PTPRC: variants seen among roughly 807,000 people sequenced by gnomAD.
PTPRC encodes the protein receptor-type tyrosine-protein phosphatase C.
Under a neutral mutation model 155.9 loss-of-function variants are expected in PTPRC, and 44 were observed. That is an observed-to-expected ratio of 0.28 (90% CI 0.22 to 0.36). The LOEUF is 0.36. Among genes scored for constraint, PTPRC ranks in the 10% least tolerant of loss-of-function variants. PTPRC has a pLI of 1.00. For missense variants in PTPRC, 1,401 were observed against 1,564.6 expected (o/e 0.90, Z 1.76); for synonymous variants, 525 against 533.1 (o/e 0.98, Z 0.21).
At chr1:198,647,921 C>T (rs1256917060) in intron 2 of PTPRC, among the ~76,000 whole-genome samples, 1 of 151,744 alleles carries the variant, frequency 6.6e-6, no homozygotes. Flanking sequence ...CATCAGCACC[C>T]CAAAACTTCC....
At chr1:198,682,439 GT>G (rs1665387290) in intron 2 of PTPRC, among the ~76,000 whole-genome samples, 1 of 151,610 alleles carries the variant, frequency 6.6e-6, no homozygotes, top group Non-Finnish European at 1.5e-5. Context: ...TTATATTGTA[GT>G]TAGTTCACAA....
chr1:198,699,505 T>C, intron 4 of PTPRC, 59 bp from the exon 5 acceptor site: 2 of 1,598,642 alleles, frequency 1.3e-6, no homozygotes, highest in South Asian at 2.2e-5. Context: ...AACCTCTTAG[T>C]AAATTATTCA....
chr1:198,735,263 T>C lies in PTPRC; in HGVS notation c.2403+11T>C. 6.3e-7 allele frequency: 1 copy of C among 1,591,296 alleles called. No homozygotes were observed. The highest frequency in any genetic ancestry group is 8.6e-7 in the Non-Finnish European group (1 of 1,166,092). On this transcript the variant is annotated intron_variant, in intron 23 of 32. Coordinates refer to ENST00000442510, the MANE Select transcript of PTPRC (RefSeq NM_002838.5). ...TTGAACATTGTAAATGTGAGTTTGC[T>C]TTTTACATAATTTTTGTTTTGATAC...
chr1:198,647,025 A>C (rs749937360), intron 2 of PTPRC, among the ~76,000 whole-genome samples: 1 of 151,752 alleles, frequency 6.6e-6, no homozygotes, highest in Non-Finnish European at 1.5e-5. Flanking sequence ...TGTAACTTGC[A>C]TTTTTCTAAA....
intron 14 of PTPRC, among the ~76,000 whole-genome samples, chr1:198,720,207 C>T (rs1034803089): frequency 1.3e-5 from 2 of 152,044 alleles, no homozygotes; most frequent in African/African-American, 2.4e-5. Context: ...TGAGTAGAGA[C>T]GGTGTTGGCA....
At position 198,716,734 on chromosome 1, in the gene PTPRC, T is replaced by C. The variant is rs1446903301; in HGVS notation, c.1344T>C (p.Asn448=). The part of the protein sequence containing the change: ...DKNLIKYDLQ[N]LKPYTKYVLS... The stretch of plus-strand genomic sequence containing the variant: ...ACCTGATCAAATATGATTTGCAAAA[T>C]TTAAAACCTTATACGAAATATGTTT... Residue 448 remains asparagine (N), a synonymous_variant, in exon 13 of 33, where the codon AAT becomes AAC. Coordinates refer to ENST00000442510, the MANE Select transcript of PTPRC (RefSeq NM_002838.5). 6.2e-7 allele frequency: 1 copy of C among 1,612,642 alleles called. No homozygotes were observed. Among genetic ancestry groups the C allele is most frequent in the East Asian group, 2.2e-5 (1 of 44,814 alleles).
intron 2 of PTPRC, among the ~76,000 whole-genome samples, chr1:198,665,275 T>G (rs1259316787): frequency 1.3e-5 from 2 of 151,278 alleles, no homozygotes; most frequent in African/African-American, 2.4e-5. Flanking sequence ...TTTTTTTTTT[T>G]GTATTCTTAG....
chr1:198,722,401 G>A lies in PTPRC; in HGVS notation c.1660-15G>A. 1 of 1,383,168 alleles carries A rather than the reference G, an allele frequency of 7.2e-7. No homozygotes were observed. The highest frequency in any genetic ancestry group is 1.5e-5 in the African/African-American group (1 of 67,326). 85.7% of individuals were successfully genotyped at this position (1,383,168 alleles called of 1,614,324 possible). On this transcript the variant is annotated splice_polypyrimidine_tract_variant and intron_variant, in intron 14 of 32. Coordinates refer to ENST00000442510, the MANE Select transcript of PTPRC (RefSeq NM_002838.5). Reference sequence around the variant, plus strand: ...TAGCAAACTAATTATTTTATTTTTTGTTACTGAAATTCAGGCCTATTTTCA... The same window carrying A: ...TAGCAAACTAATTATTTTATTTTTTATTACTGAAATTCAGGCCTATTTTCA...
intron 27 of PTPRC, among the ~76,000 whole-genome samples, 186 bp from the exon 28 acceptor site, chr1:198,749,230 A>C (rs1655271556): frequency 6.6e-6 from 1 of 151,690 alleles, no homozygotes; most frequent in South Asian, 2.1e-4. Flanking sequence ...CCTTTTTCTT[A>C]GACTTTTGTT....
At chr1:198,654,713 G>A (rs17668272) in intron 2 of PTPRC, among the ~76,000 whole-genome samples, 1 of 151,602 alleles carries the variant, frequency 6.6e-6, no homozygotes. Flanking sequence ...AGAAAATCAT[G>A]CAAAGGAAAG....
At chr1:198,677,938 C>T (rs12067163) in intron 2 of PTPRC, among the ~76,000 whole-genome samples, 6,134 of 151,806 alleles carry the variant, frequency 0.04, 390 homozygotes, top group African/African-American at 0.13. Context: ...TTTTTCCACA[C>T]AGGGATGTAT....
chr1:198,755,947 C>T lies in PTPRC; in HGVS notation c.3687C>T (p.Tyr1229=), dbSNP rs145983642. The T allele has an allele frequency of 6.3e-4, 1,014 of 1,612,604 alleles. 1 individual carries two copies. Among genetic ancestry groups the T allele is most frequent in the Non-Finnish European group, 7.2e-4 (849 of 1,179,114 alleles). The change falls in exon 33 of 33, where the codon TAC becomes TAT. Residue 1229 remains tyrosine (Y), a synonymous_variant. Coordinates refer to ENST00000442510, the MANE Select transcript of PTPRC (RefSeq NM_002838.5). ...QFLYDVIAST[Y]PAQNGQVKKN... ...TATATGACGTCATTGCCAGCACCTACCCTGCTCAGAATGGACAAGTAAAGA... is the reference window on the plus strand; with the variant it reads ...TATATGACGTCATTGCCAGCACCTATCCTGCTCAGAATGGACAAGTAAAGA...
chr1:198,662,831 TG>T, intron 2 of PTPRC, among the ~76,000 whole-genome samples: 1 of 152,196 alleles, frequency 6.6e-6, no homozygotes, highest in South Asian at 2.1e-4. Context: ...CACACTTAAA[TG>T]TTTTCATAGG....
chr1:198,662,475 TGTGA>T (rs758123971), intron 2 of PTPRC, among the ~76,000 whole-genome samples: 3,823 of 65,502 alleles, frequency 0.058, 46 homozygotes, highest in South Asian at 0.082. Flanking sequence ...TGTGTGTGTG[TGTGA>T]GAGTGTGTGT....
At chr1:198,743,684 A>G (rs1333170016) in intron 25 of PTPRC, among the ~76,000 whole-genome samples, 1 of 151,882 alleles carries the variant, frequency 6.6e-6, no homozygotes, top group African/African-American at 2.4e-5. Context: ...TATCTCTTGA[A>G]TATACTGTGA....
intron 2 of PTPRC, chr1:198,660,589 A>G (rs1332680465): frequency 6.6e-6 from 1 of 152,026 alleles, no homozygotes; most frequent in Admixed American, 6.6e-5. Flanking sequence ...GACACAGTCT[A>G]GAGGAGAAAC....
rs1168392679 is a variant in PTPRC at position 198,696,914 on chromosome 1, G to A, written c.298+5G>A. 1 of 1,609,648 alleles carries A rather than the reference G, an allele frequency of 6.2e-7. No homozygotes were observed. ...CTAGTGCTTTTAATACCACAGGTTGGCACACAAAAGTTGTTAACTTAAATA... is the reference window on the plus strand; with the variant it reads ...CTAGTGCTTTTAATACCACAGGTTGACACACAAAAGTTGTTAACTTAAATA... On this transcript the variant is annotated splice_donor_5th_base_variant and intron_variant, in intron 4 of 32. Transcript: ENST00000442510.
Position 198,757,070 on chromosome 1 carries a change from T to G in PTPRC, c.*889T>G, listed in dbSNP as rs1191404717. 1.3e-5 allele frequency: 2 copies of G among 151,882 alleles called. No homozygotes were observed. 9.4% of individuals were successfully genotyped at this position (151,882 alleles called of 1,614,324 possible). ...AGAATACAAACATATTTGTTAAATA[T>G]TTACATATGAAATTTAATATAGCTA... On this transcript the variant is annotated 3_prime_UTR_variant, in exon 33 of 33. Coordinates refer to ENST00000442510, the MANE Select transcript of PTPRC (RefSeq NM_002838.5).
chr1:198,719,142 T>C (rs956127746), intron 14 of PTPRC, among the ~76,000 whole-genome samples: 22 of 152,318 alleles, frequency 1.4e-4, no homozygotes, highest in African/African-American at 5.1e-4. Context: ...TTTTTGGATA[T>C]GTAACTTTTT....
Sources: gnomAD v4.1 joint callset for allele counts (sites outside exome capture counted in the v4.1 genomes callset) on GRCh38, gnomAD v4.1.1 for gene constraint, MANE v1.5 for transcripts, NCBI Gene and HGNC (gene_info 2026-07-23, HGNC 2026-07-21) for gene names.